The following TMED3 variants were observed in gnomAD, a reference collection of about 807,000 sequenced individuals.
TMED3 encodes transmembrane emp24 domain-containing protein 3.
In TMED3, 9 loss-of-function variants were observed where a neutral mutation model predicts 15.0. The ratio of observed to expected loss-of-function variants is 0.60; its 90% CI spans 0.36 to 1.04. TMED3 has a LOEUF of 1.04. Ranked by LOEUF, TMED3 falls within the 50% of genes least tolerant of loss-of-function variation. TMED3 has a pLI of 0.01. For synonymous variants in TMED3, 117 were observed against 121.4 expected (o/e 0.96, Z 0.24); for missense variants, 267 against 278.9 (o/e 0.96, Z 0.30).
intron 2 of TMED3, among the ~76,000 whole-genome samples, chr15:79,364,360 CGGAG>C (rs1893188298): frequency 6.6e-6 from 1 of 152,106 alleles, no homozygotes; most frequent in South Asian, 2.1e-4. Context: ...TGGGCCAGGT[CGGAG>C]GTTCTCCGGG....
intron 2 of TMED3, among the ~76,000 whole-genome samples, chr15:79,353,950 T>C (rs1242152624): frequency 6.6e-6 from 1 of 152,186 alleles, no homozygotes; most frequent in Non-Finnish European, 1.5e-5. Flanking sequence ...TAGACAATTA[T>C]GAGCCACATT....
At chr15:79,353,003 AATATATATTATATAAAATATATATATTTT>A (rs1342359599) in intron 2 of TMED3, among the ~76,000 whole-genome samples, 1 of 111,710 alleles carries the variant, frequency 9.0e-6, no homozygotes, top group African/African-American at 3.6e-5. Context: ...TGTTATATAA[AATATATATTATATAAAATATATATATTTT>A]ATATATATTA....
At chr15:79,386,772 C>T (rs1893632524) in intron 2 of TMED3, among the ~76,000 whole-genome samples, 2 of 142,380 alleles carry the variant, frequency 1.4e-5, no homozygotes. Flanking sequence ...TGGTCTTGAT[C>T]TCCTGACCTC....
chr15:79,399,116 G>A (rs1893800223), intron 2 of TMED3, among the ~76,000 whole-genome samples: 1 of 152,114 alleles, frequency 6.6e-6, no homozygotes. Context: ...TCACCATGTT[G>A]GCCAGGCTGG....
chr15:79,378,464 T>C (rs559145959), intron 2 of TMED3, among the ~76,000 whole-genome samples: 1 of 152,352 alleles, frequency 6.6e-6, no homozygotes, highest in East Asian at 1.9e-4. Context: ...CCTTGTCATC[T>C]TAGCAGAATC....
intron 2 of TMED3, among the ~76,000 whole-genome samples, chr15:79,320,376 A>G (rs903436167): frequency 2.0e-5 from 3 of 152,180 alleles, no homozygotes; most frequent in Non-Finnish European, 2.9e-5. Flanking sequence ...TGATATTCAT[A>G]TATAATCCTA....
chr15:79,328,214 T>C (rs1041076323), intron 2 of TMED3, among the ~76,000 whole-genome samples: 21 of 152,134 alleles, frequency 1.4e-4, no homozygotes, highest in Admixed American at 9.2e-4. Flanking sequence ...TTGTATGATA[T>C]AGGAGGAAGA....
At chr15:79,353,675 G>C (rs1262212867) in intron 2 of TMED3, among the ~76,000 whole-genome samples, 1 of 151,036 alleles carries the variant, frequency 6.6e-6, no homozygotes, top group Non-Finnish European at 1.5e-5. Context: ...CTCGATGGCA[G>C]AGCAAGTGTA....
rs2058712156 is a variant in TMED3, at chr15:79,311,321, C to T, written c.72C>T (p.Pro24=). ...LLLLLRRAEQ[P]CGAELTFELP... The stretch of plus-strand genomic sequence containing the variant: ...TGCTCCTGCGCCGGGCCGAGCAGCC[C>T]TGCGGGGCCGAGCTCACCTTCGAGC... Residue 24 remains proline, a synonymous_variant, in exon 1 of 3, where the codon CCC becomes CCT. Transcript: ENST00000299705. The T allele has an allele frequency of 6.2e-7, 1 of 1,609,862 alleles. No homozygotes were observed. The highest frequency in any genetic ancestry group is 8.5e-7 in the Non-Finnish European group (1 of 1,178,700).
intron 2 of TMED3, among the ~76,000 whole-genome samples, chr15:79,385,893 G>T (rs116442492): frequency 6.6e-6 from 1 of 152,132 alleles, no homozygotes; most frequent in Admixed American, 6.5e-5. Flanking sequence ...CCATCATTAG[G>T]TACTATTTAT....
chr15:79,406,301 G>A lies in TMED3; in HGVS notation c.418-5099G>A, dbSNP rs191805326. Reference sequence around the variant, plus strand: ...TTAATAGCCCTTTCTCCATAGACCCGGAAATGAATGAGACGTCCTGTCAGC... The same window carrying A: ...TTAATAGCCCTTTCTCCATAGACCCAGAAATGAATGAGACGTCCTGTCAGC... On this transcript the variant is annotated intron_variant, in intron 2 of 2. Transcript: ENST00000424155. 2.0e-3 allele frequency among the ~76,000 whole-genome samples: 304 copies of A among 152,204 alleles called. 1 individual carries two copies. The highest frequency in any genetic ancestry group is 3.3e-3 in the Non-Finnish European group (222 of 68,026).
rs1184771458 is a variant in TMED3, at chr15:79,311,330, C to A, written c.81C>A (p.Ala27=). 6.2e-7 allele frequency: 1 copy of A among 1,610,774 alleles called. No homozygotes were observed. The highest frequency in any genetic ancestry group is 1.1e-5 in the South Asian group (1 of 90,512). ...LLRRAEQPCG[A]ELTFELPDNA... is the part of the protein sequence containing the mutation. ...GCCGGGCCGAGCAGCCCTGCGGGGC[C>A]GAGCTCACCTTCGAGCTGCCGGACA... The change falls in exon 1 of 3, where the codon GCC becomes GCA. Residue 27 remains alanine, a synonymous_variant. Transcript: ENST00000299705.
chr15:79,354,446 G>A (rs1396418065), intron 2 of TMED3, among the ~76,000 whole-genome samples: 1 of 152,080 alleles, frequency 6.6e-6, no homozygotes, highest in Non-Finnish European at 1.5e-5. Flanking sequence ...AGGCTTTGCC[G>A]CAGCCAGAAC....
chr15:79,380,379 CAT>C (rs1036751016), intron 2 of TMED3, among the ~76,000 whole-genome samples: 4 of 146,868 alleles, frequency 2.7e-5, no homozygotes, highest in African/African-American at 7.5e-5. Context: ...GAGTTATACA[CAT>C]ATATATATAA....
chr15:79,391,717 T>C (rs897891692), intron 2 of TMED3, among the ~76,000 whole-genome samples: 2 of 152,152 alleles, frequency 1.3e-5, no homozygotes, highest in Admixed American at 6.5e-5. Context: ...GCTGCCTATC[T>C]CATTTCTTAG....
chr15:79,405,144 C>T (rs554672021), intron 2 of TMED3, among the ~76,000 whole-genome samples: 6 of 152,274 alleles, frequency 3.9e-5, no homozygotes, highest in South Asian at 4.2e-4. Flanking sequence ...TAGTCACTTG[C>T]GATTCTGTGG....
intron 2 of TMED3, among the ~76,000 whole-genome samples, chr15:79,340,664 G>A (rs970130056): frequency 3.9e-5 from 6 of 152,254 alleles, no homozygotes; most frequent in Non-Finnish European, 5.9e-5. Flanking sequence ...TTATTTTTCC[G>A]GCATTTTCTC....
At chr15:79,339,765 G>A (rs1186380869) in intron 2 of TMED3, among the ~76,000 whole-genome samples, 2 of 151,340 alleles carry the variant, frequency 1.3e-5, no homozygotes, top group Non-Finnish European at 2.9e-5. Flanking sequence ...TGGTGATTAT[G>A]GTGGTGTTGA....
At chr15:79,363,282 C>A (rs1471849975) in intron 2 of TMED3, among the ~76,000 whole-genome samples, 1 of 151,992 alleles carries the variant, frequency 6.6e-6, no homozygotes, top group African/African-American at 2.4e-5. Flanking sequence ...TCAGAAAGAA[C>A]TTTCTAATCA....
Sources: gnomAD v4.1 joint callset for allele counts (sites outside exome capture counted in the v4.1 genomes callset) on GRCh38, gnomAD v4.1.1 for gene constraint, MANE v1.5 for transcripts, NCBI Gene and HGNC (gene_info 2026-07-23, HGNC 2026-07-21) for gene names.